Variants in CHRM3 observed in about 807,000 individuals in gnomAD.
The protein encoded by CHRM3 is muscarinic acetylcholine receptor M3.
A neutral mutation model predicts 41.8 loss-of-function variants in CHRM3; 11 were observed. The observed-to-expected ratio is 0.26, with a 90% CI of 0.17 to 0.44. The LOEUF is 0.44. CHRM3 is among the 20% of genes least tolerant of loss of function. The pLI is 1.00. For synonymous variants in CHRM3, 297 were observed against 301.4 expected, an observed-to-expected ratio of 0.99 and a Z score of 0.15; for missense variants, 571 against 745.4, an observed-to-expected ratio of 0.77 and a Z score of 2.72.
At chr1:239,639,698 G>C (rs1485421559) in intron 4 of CHRM3, among the ~76,000 whole-genome samples, 3 of 151,850 alleles carry the variant, frequency 2.0e-5, no homozygotes, top group African/African-American at 7.3e-5. Flanking sequence ...ATACAATCAT[G>C]TTGTCTGCAA....
intron 5 of CHRM3, among the ~76,000 whole-genome samples, chr1:239,806,024 TC>T (rs1670613513): frequency 6.6e-6 from 1 of 152,136 alleles, no homozygotes; most frequent in Non-Finnish European, 1.5e-5. Flanking sequence ...AGCTTTTGAT[TC>T]CCTAGTCTGT....
At chr1:239,398,957 A>G (rs1457345400) in intron 1 of CHRM3, among the ~76,000 whole-genome samples, 1 of 152,200 alleles carries the variant, frequency 6.6e-6, no homozygotes, top group Non-Finnish European at 1.5e-5. Context: ...AGGTAAGAAA[A>G]AAGAAAAAGA....
At chr1:239,688,642 T>C (rs1350561419) in intron 5 of CHRM3, among the ~76,000 whole-genome samples, 1 of 133,796 alleles carries the variant, frequency 7.5e-6, no homozygotes, top group African/African-American at 2.8e-5. Flanking sequence ...ATAATATATA[T>C]AATATATTAC....
intron 5 of CHRM3, among the ~76,000 whole-genome samples, chr1:239,816,339 C>T (rs984999188): frequency 6.6e-6 from 1 of 152,142 alleles, no homozygotes; most frequent in African/African-American, 2.4e-5. Context: ...GGTGTTGCTC[C>T]TTTTTTTGTT....
intron 6 of CHRM3, among the ~76,000 whole-genome samples, chr1:239,891,271 A>C (rs181592011): frequency 6.6e-6 from 1 of 152,288 alleles, no homozygotes; most frequent in Admixed American, 6.5e-5. Flanking sequence ...TTTTCTAAAA[A>C]TAATTCCAGA....
chr1:239,798,225 T>G (rs1017213241), intron 5 of CHRM3, among the ~76,000 whole-genome samples: 20 of 152,300 alleles, frequency 1.3e-4, no homozygotes, highest in African/African-American at 3.8e-4. Context: ...ATATAAAATA[T>G]GCAAAATCTC....
chr1:239,638,053 A>G (rs1313611241), intron 4 of CHRM3, among the ~76,000 whole-genome samples: 1 of 151,042 alleles, frequency 6.6e-6, no homozygotes, highest in South Asian at 2.1e-4. Context: ...GAGAATGATG[A>G]TTTCCAATTT....
intron 4 of CHRM3, among the ~76,000 whole-genome samples, chr1:239,676,523 G>A (rs961047278): frequency 6.6e-6 from 1 of 152,192 alleles, no homozygotes; most frequent in Non-Finnish European, 1.5e-5. Flanking sequence ...TAACAGCAAA[G>A]CATTCACTGT....
At chr1:239,518,886 T>C (rs1260882580) in intron 2 of CHRM3, among the ~76,000 whole-genome samples, 2 of 152,222 alleles carry the variant, frequency 1.3e-5, no homozygotes, top group African/African-American at 4.8e-5. Flanking sequence ...CTAATGTATT[T>C]GCATTGTACA....
At chr1:239,424,080 A>G (rs1662176449) in intron 1 of CHRM3, among the ~76,000 whole-genome samples, 1 of 151,920 alleles carries the variant, frequency 6.6e-6, no homozygotes, top group Non-Finnish European at 1.5e-5. Context: ...AAGAAAAAAA[A>G]AAGTCAAGCC....
chr1:239,663,168 TCTGCTGC>T, intron 4 of CHRM3, among the ~76,000 whole-genome samples: 1 of 152,156 alleles, frequency 6.6e-6, no homozygotes, highest in Non-Finnish European at 1.5e-5. Flanking sequence ...TTCTGCCCAC[TCTGCTGC>T]CTGCTGCTCT....
chr1:239,539,028 A>T (rs1400019098), intron 2 of CHRM3, among the ~76,000 whole-genome samples: 1 of 152,210 alleles, frequency 6.6e-6, no homozygotes, highest in African/African-American at 2.4e-5. Context: ...GTGCATTTTT[A>T]TCCAGAATAT....
At chr1:239,903,166 A>G (rs965510930) in intron 6 of CHRM3, among the ~76,000 whole-genome samples, 19 of 152,066 alleles carry the variant, frequency 1.2e-4, no homozygotes, top group African/African-American at 3.4e-4. Flanking sequence ...CTAGAATACT[A>G]TTCATTTGGG....
intron 3 of CHRM3, among the ~76,000 whole-genome samples, chr1:239,594,892 C>A (rs1468240011): frequency 6.6e-6 from 1 of 152,100 alleles, no homozygotes; most frequent in African/African-American, 2.4e-5. Flanking sequence ...GAGTTTGAGA[C>A]CAGCCTGACC....
At chr1:239,618,713 A>G (rs141451974) in intron 3 of CHRM3, among the ~76,000 whole-genome samples, 5,908 of 149,450 alleles carry the variant, frequency 0.04, 270 homozygotes, top group African/African-American at 0.11. Context: ...GCGTGGTGGC[A>G]GCCACCTGTA....
intron 6 of CHRM3, among the ~76,000 whole-genome samples, chr1:239,869,120 C>T (rs144713656): frequency 1.1e-4 from 17 of 152,172 alleles, no homozygotes; most frequent in Middle Eastern, 6.8e-3. Flanking sequence ...GTTTGCCCCA[C>T]GCTGAAACAG....
intron 6 of CHRM3, among the ~76,000 whole-genome samples, chr1:239,874,297 A>ATATATATCTATATACACAG (rs1553291917): frequency 4.4e-4 from 41 of 92,200 alleles, no homozygotes; most frequent in Admixed American, 1.7e-3. Context: ...ATATATATAT[A>ATATATATCTATATACACAG]TATATATATA....
intron 6 of CHRM3, among the ~76,000 whole-genome samples, chr1:239,866,107 G>C (rs1432171775): frequency 6.6e-6 from 1 of 152,128 alleles, no homozygotes; most frequent in East Asian, 1.9e-4. Context: ...GCCGGGCACG[G>C]TGGCTCACGC....
Position 239,910,343 on chromosome 1 carries a change from A to C in CHRM3, c.*1119A>C. ...TGTATATATATATATATGGCAAAGC[A>C]AAAAAAAAAACATGGTAAGAGAGAA... On this transcript the variant is annotated 3_prime_UTR_variant, in exon 7 of 7. Coordinates refer to ENST00000676153, the MANE Select transcript of CHRM3 (RefSeq NM_001375978.1). 1 of 145,544 alleles carries C rather than the reference A, an allele frequency of 6.9e-6. No homozygotes were observed. The allele number at this position is 145,544 out of a possible 1,614,324, so 9.0% of individuals were successfully genotyped here. A position where few individuals can be genotyped will look rare whatever the true frequency, so the allele number is the denominator to read the frequency against.
Sources: allele counts gnomAD v4.1 joint callset (sites outside exome capture counted in the v4.1 genomes callset), GRCh38; gene constraint gnomAD v4.1.1; transcripts MANE v1.5; gene names NCBI Gene and HGNC (gene_info 2026-07-23, HGNC 2026-07-21).